Variants in SUGP2 observed in about 807,000 individuals in gnomAD.
SUGP2 encodes the protein SURP and G-patch domain-containing protein 2.
A neutral mutation model predicts 90.5 loss-of-function variants in SUGP2; 24 were observed. The observed-to-expected ratio is 0.27, with a 90% CI of 0.19 to 0.37. The LOEUF (loss-of-function observed/expected upper bound fraction) is 0.37. Among genes scored for constraint, SUGP2 ranks in the 10% least tolerant of loss-of-function variants. SUGP2 has a pLI of 1.00. For synonymous variants in SUGP2, 473 were observed against 513.4 expected, an observed-to-expected ratio of 0.92 and a Z score of 1.06; for missense variants, 1,233 against 1,363.3, an observed-to-expected ratio of 0.90 and a Z score of 1.51.
At chr19:18,997,684 G>A (rs2057660167) in intron 8 of SUGP2, among the ~76,000 whole-genome samples, 1 of 150,690 alleles carries the variant, frequency 6.6e-6, no homozygotes, top group Non-Finnish European at 1.5e-5. Context: ...TCTGGAGGCT[G>A]AGGCAGGAGA....
chr19:19,001,457 G>T (rs1281969500), intron 8 of SUGP2, among the ~76,000 whole-genome samples, 156 bp downstream of exon 8: 1 of 152,192 alleles, frequency 6.6e-6, no homozygotes, highest in Non-Finnish European at 1.5e-5. Flanking sequence ...GTTTTCAAAA[G>T]CCCTCCCAAG....
At chr19:19,004,742 T>A in intron 6 of SUGP2, 96 bp from the exon 7 acceptor site, 2 of 1,033,962 alleles carry the variant, frequency 1.9e-6, no homozygotes, top group Non-Finnish European at 2.8e-6. Context: ...AAGGTGGAGG[T>A]GGGACAAGGG....
upstream of SUGP2, chr19:19,033,523 A>C: frequency 2.1e-6 from 3 of 1,399,352 alleles, no homozygotes; most frequent in Non-Finnish European, 2.8e-6. Flanking sequence ...GGGACATGCA[A>C]ATGAACCAAC....
chr19:19,004,038 C>T (rs1006981141), intron 7 of SUGP2, 130 bp downstream of exon 7: 13 of 702,246 alleles, frequency 1.9e-5, no homozygotes, highest in Admixed American at 1.1e-4. Context: ...ACATGAGTGT[C>T]GGCTCACATT....
chr19:19,020,751 A>G (rs373937963), intron 3 of SUGP2, among the ~76,000 whole-genome samples: 3 of 152,036 alleles, frequency 2.0e-5, no homozygotes, highest in Non-Finnish European at 4.4e-5. Flanking sequence ...AATATTTTTT[A>G]AAGTGTGAAT....
intron 1 of SUGP2, 172 bp from the exon 2 acceptor site, chr19:19,031,254 C>A (rs755198966): frequency 3.1e-5 from 21 of 668,272 alleles, no homozygotes; most frequent in Non-Finnish European, 4.7e-5. Context: ...AAAATTCAGG[C>A]TGGGTGTGGT....
intron 1 of SUGP2, 106 bp downstream of exon 1, chr19:19,033,331 C>A: frequency 9.1e-7 from 1 of 1,104,140 alleles, no homozygotes; most frequent in South Asian, 4.2e-5. Context: ...AGCCAGAGGG[C>A]CGAGCCTGCG....
intron 6 of SUGP2, 75 bp from the exon 7 acceptor site, chr19:19,004,721 T>A: frequency 7.8e-7 from 1 of 1,274,450 alleles, no homozygotes; most frequent in Non-Finnish European, 1.1e-6. Context: ...ACTGCTGGGA[T>A]TGATCCAAGG....
At position 19,010,135 on chromosome 19, in the gene SUGP2, T is replaced by A; in HGVS notation, c.2058A>T (p.Gln686His). 4 of 1,612,494 alleles carry A rather than the reference T, an allele frequency of 2.5e-6. No homozygotes were observed. The highest frequency in any genetic ancestry group is 3.4e-6 in the Non-Finnish European group (4 of 1,179,862). Reference sequence around the variant, plus strand: ...TCCTCGCCTTCCAGCCCCGGAGCCCTTGAGCACGGAGGAGCCCCCGCCGCT... The same window carrying A: ...TCCTCGCCTTCCAGCCCCGGAGCCCATGAGCACGGAGGAGCCCCCGCCGCT... ...PWQRRGLLRA[Q>H]GLRGWKARRA... is the part of the protein sequence containing the mutation. Residue 686 changes from glutamine (Q) to histidine (H), a missense_variant, in exon 5 of 11, where the codon CAA becomes CAT. By Grantham distance (24) the Gln-to-His change is conservative. Coordinates refer to ENST00000452918, the MANE Select transcript of SUGP2 (RefSeq NM_001017392.5).
At chr19:19,009,558 C>A (rs77383406) in intron 5 of SUGP2, among the ~76,000 whole-genome samples, 1,878 of 152,256 alleles carry the variant, frequency 0.012, 20 homozygotes, top group East Asian at 0.03. Flanking sequence ...CAAGTTCAGG[C>A]AATGCACCGC....
At position 19,004,364 on chromosome 19, in the gene SUGP2, C is replaced by T. The variant is rs766194574; in HGVS notation, c.2733G>A (p.Gly911=). ...GGGTGCTGCCCTCAGACTTGCCCGC[C>T]CCTCCAGGAGCGGGGGCCTCCTCTC... is the stretch of plus-strand genomic sequence containing the variant. ...DGGEEAPAPG[G]AGKSEGSTPA... Residue 911 remains glycine (G), a synonymous_variant, in exon 7 of 11, where the codon GGG becomes GGA. Coordinates refer to ENST00000452918, the MANE Select transcript of SUGP2 (RefSeq NM_001017392.5). 173 of 1,613,474 alleles carry T rather than the reference C, an allele frequency of 1.1e-4. No individual in the cohort carries two copies. The highest frequency in any genetic ancestry group is 1.4e-4 in the Non-Finnish European group (171 of 1,179,728).
rs1205860712 is a variant in SUGP2 at position 19,025,710 on chromosome 19, C to A, written c.638G>T (p.Gly213Val). The A allele has an allele frequency of 2.5e-6, 4 of 1,613,890 alleles. No individual in the cohort carries two copies. In the African/African-American group the frequency reaches 5.3e-5, roughly 22 times the overall value. ...LRGGSQVQAR[G>V]RALNIVDQEG... ...CTGGTCAACGATGTTTAGAGCTCGACCTCTGGCCTGGACTTGACTGCCGCC... is the reference window on the plus strand; with the variant it reads ...CTGGTCAACGATGTTTAGAGCTCGAACTCTGGCCTGGACTTGACTGCCGCC... Residue 213 changes from glycine to valine, a missense_variant, in exon 3 of 11, where the codon GGT becomes GTT. Physicochemically the swap from Gly to Val is moderately radical, Grantham distance 109 (BLOSUM62 -3). Around this residue, in one of 8 missense-constraint regions of SUGP2, gnomAD observed 418 missense variants for 399.9 expected, o/e 1.05. Transcript: ENST00000452918.
intron 4 of SUGP2, among the ~76,000 whole-genome samples, chr19:19,012,066 C>T (rs891975688): frequency 6.6e-6 from 1 of 152,192 alleles, no homozygotes; most frequent in African/African-American, 2.4e-5. Flanking sequence ...GCATTGGCAG[C>T]ACTGTGTGAT....
intron 1 of SUGP2, among the ~76,000 whole-genome samples, chr19:19,032,565 A>G (rs2059215722): frequency 6.6e-6 from 1 of 152,042 alleles, no homozygotes; most frequent in Admixed American, 6.6e-5. Flanking sequence ...GGGACCCCCA[A>G]CCAATGACAA....
chr19:18,997,163 C>A (rs1436087851), intron 8 of SUGP2, among the ~76,000 whole-genome samples: 5 of 152,134 alleles, frequency 3.3e-5, no homozygotes, highest in Admixed American at 6.6e-5. Context: ...ACAAATCCCC[C>A]CCTTGCCATC....
chr19:19,007,457 A>ATT, intron 6 of SUGP2: 2 of 146,344 alleles, frequency 1.4e-5, no homozygotes, highest in Non-Finnish European at 3.0e-5. Flanking sequence ...CCTAGAACAG[A>ATT]TTTTTTTTTT....
Position 19,001,644 on chromosome 19 carries a change from C to A in SUGP2, c.2960G>T (p.Arg987Met), listed in dbSNP as rs1328152703. ...VHEPVRIAYDRPRGRPMSKKK... is the reference protein window; with the variant it reads ...VHEPVRIAYDMPRGRPMSKKK... ...TTTGGACATGGGACGACCCCGAGGC[C>A]TGTCATAGGCAATTCGAACTGGTTC... is the stretch of plus-strand genomic sequence containing the variant. Residue 987 changes from arginine (R) to methionine (M), a missense_variant, in exon 8 of 11, where the codon AGG becomes ATG. By Grantham distance (91) the Arg-to-Met change is moderately conservative. Transcript: ENST00000452918. 6.2e-7 allele frequency: 1 copy of A among 1,614,216 alleles called. No homozygotes were observed. Among genetic ancestry groups the A allele is most frequent in the Admixed American group, 1.7e-5 (1 of 60,028 alleles).
At chr19:18,994,714 G>T in intron 9 of SUGP2, 1 of 578,268 alleles carries the variant, frequency 1.7e-6, no homozygotes, top group Non-Finnish European at 3.0e-6. Flanking sequence ...ACCTCGGAAT[G>T]CCTTACCCAG....
At chr19:19,017,956 T>C (rs927068602) in intron 4 of SUGP2, among the ~76,000 whole-genome samples, 2 of 146,018 alleles carry the variant, frequency 1.4e-5, no homozygotes, top group African/African-American at 5.2e-5. Context: ...AGAGAAATGG[T>C]GTCTCAGCCC....
Sources: gnomAD v4.1 joint callset for allele counts (sites outside exome capture counted in the v4.1 genomes callset) on GRCh38, gnomAD v4.1.1 for gene constraint, gnomAD v4.1.1 regional missense constraint, MANE v1.5 for transcripts, NCBI Gene and HGNC (gene_info 2026-07-23, HGNC 2026-07-21) for gene names.